MRPL34: variants seen among roughly 807,000 people sequenced by gnomAD.
MRPL34 encodes the protein large ribosomal subunit protein bL34m.
A neutral mutation model predicts 6.7 loss-of-function variants in MRPL34; 8 were observed. That is an observed-to-expected ratio of 1.20 (90% CI 0.70 to 2.16). The LOEUF (loss-of-function observed/expected upper bound fraction) is 2.16. Among genes scored for constraint, MRPL34 ranks in the 30% most tolerant of loss-of-function variants. The probability of loss-of-function intolerance (pLI) is 0.00; values close to 1 mark genes in which losing one functional copy is unlikely to be tolerated. For synonymous variants in MRPL34, 59 were observed against 55.1 expected (o/e 1.07, Z -0.31); for missense variants, 146 against 125.5 (o/e 1.16, Z -0.78).
chr19:17,294,640 G>A (rs745904932), intron 1 of MRPL34: 3 of 1,610,340 alleles, frequency 1.9e-6, no homozygotes, highest in Non-Finnish European at 2.5e-6. Flanking sequence ...GTTCGCCAGG[G>A]CCAGGATCAC....
upstream of MRPL34, among the ~76,000 whole-genome samples, chr19:17,304,306 T>A (rs1393526184): frequency 6.6e-6 from 1 of 152,220 alleles, no homozygotes; most frequent in African/African-American, 2.4e-5. Context: ...CCTTTGCTGA[T>A]GTGTGACCTC....
intron 1 of MRPL34, chr19:17,294,182 G>C: frequency 7.2e-7 from 1 of 1,383,708 alleles, no homozygotes; most frequent in Non-Finnish European, 9.7e-7. Context: ...CCCTCGGGAA[G>C]AAAGCACGCC....
intron 1 of MRPL34, among the ~76,000 whole-genome samples, chr19:17,295,090 AT>A (rs779607230): frequency 1.0e-3 from 81 of 80,414 alleles, no homozygotes; most frequent in East Asian, 6.7e-3. Context: ...CACCCAGGTA[AT>A]TTTTTTTTTT....
At chr19:17,301,308 G>A, upstream of MRPL34, 1 of 1,607,586 alleles carries the variant, frequency 6.2e-7, no homozygotes, top group Non-Finnish European at 8.5e-7. Context: ...GCCCGTGTAG[G>A]AGGTCGGCTC....
intron 1 of MRPL34, among the ~76,000 whole-genome samples, chr19:17,295,961 T>C (rs1013754160): frequency 6.6e-6 from 1 of 152,012 alleles, no homozygotes; most frequent in African/African-American, 2.4e-5. Context: ...TCCTCTGGCC[T>C]TAACCTCCCA....
chr19:17,301,167 T>A (rs777148469), upstream of MRPL34: 1 of 1,609,446 alleles, frequency 6.2e-7, no homozygotes, highest in Non-Finnish European at 8.5e-7. Context: ...GGCGCCTGGC[T>A]CGCCGCCGCC....
At chr19:17,297,744 C>CTTTTTTTTTTTTTTT (rs71334702) in intron 1 of MRPL34, 1 of 130,264 alleles carries the variant, frequency 7.7e-6, no homozygotes, top group Non-Finnish European at 1.7e-5. Context: ...GTTTTCTTTT[C>CTTTTTTTTTTTTTTT]TTTTTTTTTT....
chr19:17,299,236 C>CCA (rs1555720782), upstream of MRPL34, among the ~76,000 whole-genome samples: 242 of 137,344 alleles, frequency 1.8e-3, 2 homozygotes, highest in African/African-American at 6.1e-3. Context: ...ATAATGAGAC[C>CCA]CCCCCCCCAT....
upstream of MRPL34, among the ~76,000 whole-genome samples, chr19:17,302,624 G>A (rs960234082): frequency 6.6e-6 from 1 of 152,162 alleles, no homozygotes; most frequent in Non-Finnish European, 1.5e-5. Flanking sequence ...GGGCCAAGCT[G>A]AGGCCCAGAC....
At chr19:17,294,407 C>G in intron 1 of MRPL34, 2 of 1,614,054 alleles carry the variant, frequency 1.2e-6, no homozygotes, top group Non-Finnish European at 1.7e-6. Context: ...CAGTACTGGC[C>G]GCTCATCATG....
At chr19:17,299,257 A>AT (rs1209650719), upstream of MRPL34, among the ~76,000 whole-genome samples, 11 of 135,524 alleles carry the variant, frequency 8.1e-5, no homozygotes, top group East Asian at 2.4e-4. Context: ...TCTCTATATA[A>AT]TTTTTTTTTG....
chr19:17,300,800 G>C (rs2074113752), upstream of MRPL34: 1 of 1,520,408 alleles, frequency 6.6e-7, no homozygotes, highest in African/African-American at 1.4e-5. Context: ...TTTTGTGACT[G>C]TAGTCCCTGC....
intron 1 of MRPL34, among the ~76,000 whole-genome samples, chr19:17,293,999 GCTGTGAGGAGAGC>G (rs2074082187): frequency 6.6e-6 from 1 of 152,092 alleles, no homozygotes; most frequent in Admixed American, 6.6e-5. Flanking sequence ...CAAATCCTCC[GCTGTGAGGAGAGC>G]CTTCTTACAG....
intron 1 of MRPL34, chr19:17,296,680 T>C (rs770483375): frequency 4.0e-5 from 6 of 151,690 alleles, no homozygotes; most frequent in Non-Finnish European, 8.8e-5. Context: ...ATTTGAAAAA[T>C]GTTTCCTAAA....
chr19:17,297,876 G>A (rs1294841969), upstream of MRPL34: 2 of 150,426 alleles, frequency 1.3e-5, no homozygotes, highest in East Asian at 2.0e-4. Context: ...GATTATAGGT[G>A]TAAGCCACCA....
At chr19:17,301,776 T>TTGTGTGTGTGTGTGTG (rs10679164), upstream of MRPL34, among the ~76,000 whole-genome samples, 8 of 147,464 alleles carry the variant, frequency 5.4e-5, no homozygotes, top group African/African-American at 2.0e-4. Context: ...ATTTTTTTGT[T>TTGTGTGTGTGTGTGTG]TGTGTGTGTG....
upstream of MRPL34, chr19:17,301,430 C>A (rs374386420): frequency 1.2e-6 from 2 of 1,611,866 alleles, no homozygotes; most frequent in Non-Finnish European, 1.7e-6. Context: ...TCCGAGGATG[C>A]GGATGATGGT....
chr19:17,304,489 A>G (rs2074136756), upstream of MRPL34, among the ~76,000 whole-genome samples: 1 of 152,256 alleles, frequency 6.6e-6, no homozygotes, highest in East Asian at 1.9e-4. Flanking sequence ...TGCTACAGGT[A>G]GGATGGGCTT....
intron 1 of MRPL34, among the ~76,000 whole-genome samples, chr19:17,294,009 G>A (rs548451680): frequency 2.6e-5 from 4 of 152,218 alleles, no homozygotes; most frequent in Admixed American, 6.5e-5. Context: ...GCTGTGAGGA[G>A]AGCCTTCTTA....
Sources: allele counts gnomAD v4.1 joint callset (sites outside exome capture counted in the v4.1 genomes callset), GRCh38; gene constraint gnomAD v4.1.1; transcripts MANE v1.5; gene names NCBI Gene and HGNC (gene_info 2026-07-23, HGNC 2026-07-21).